The following SEMA3B variants were observed in gnomAD, a reference collection of about 807,000 sequenced individuals.
The protein encoded by SEMA3B is semaphorin-3B.
A neutral mutation model predicts 77.8 loss-of-function variants in SEMA3B; 71 were observed. That is an observed-to-expected ratio of 0.91 (90% CI 0.75 to 1.11). The LOEUF (loss-of-function observed/expected upper bound fraction) is 1.11. Ranked by LOEUF, SEMA3B falls within the 50% of genes most tolerant of loss-of-function variation. The pLI, the probability that SEMA3B is intolerant of heterozygous loss-of-function variation, is 0.00. For synonymous variants in SEMA3B, 470 were observed against 452.9 expected, an observed-to-expected ratio of 1.04 and a Z score of -0.48; for missense variants, 968 against 1,056.8, an observed-to-expected ratio of 0.92 and a Z score of 1.17.
At position 50,269,154 on chromosome 3, in the gene SEMA3B, C is replaced by T. The variant is rs1364338440; in HGVS notation, c.-87C>T. 2.0e-6 allele frequency: 2 copies of T among 1,019,636 alleles called. No homozygotes were observed. Among genetic ancestry groups the T allele is most frequent in the Non-Finnish European group, 2.9e-6 (2 of 679,234 alleles). 63.2% of individuals were successfully genotyped at this position (1,019,636 alleles called of 1,614,324 possible). The stretch of plus-strand genomic sequence containing the variant: ...GCCCTCGCCCTCACTGCTGACTCCT[C>T]TTCCAGATCCTGGGGCAGAGTCCAG... On this transcript the variant is annotated 5_prime_UTR_variant, in exon 1 of 17. Coordinates refer to ENST00000616701, the MANE Select transcript of SEMA3B (RefSeq NM_001290060.2). The surrounding 1 kb of genome is among the most constrained non-coding windows in gnomAD (Gnocchi z 4.0).
Position 50,273,277 on chromosome 3 carries a change from C to T in SEMA3B, c.665-21C>T. On this transcript the variant is annotated intron_variant, in intron 6 of 16. Transcript: ENST00000616701. The surrounding 1 kb of genome is among the most constrained non-coding windows in gnomAD (Gnocchi z 6.5). ...GAGGCAAGGCCAGGACCCGCTGACCCATGCCTCCTGCCGCGGTCAGAGCCC... is the reference window on the plus strand; with the variant it reads ...GAGGCAAGGCCAGGACCCGCTGACCTATGCCTCCTGCCGCGGTCAGAGCCC... The T allele has an allele frequency of 6.2e-7, 1 of 1,609,548 alleles. No individual in the cohort carries two copies. The highest frequency in any genetic ancestry group is 8.5e-7 in the Non-Finnish European group (1 of 1,177,782).
the SEMA3B span, chr3:50,261,080 C>G: frequency 6.6e-6 from 1 of 152,268 alleles, no homozygotes; most frequent in African/African-American, 2.4e-5. Context: ...CTGGGCATCC[C>G]CTGCTGCCTG....
upstream of SEMA3B, chr3:50,267,690 GC>G (rs1700937608): frequency 6.6e-6 from 1 of 152,470 alleles, no homozygotes; most frequent in African/African-American, 2.4e-5. The surrounding 1 kb of genome is among the most constrained non-coding windows in gnomAD (Gnocchi z 5.7). Flanking sequence ...GAGAGATGCT[GC>G]TGCGGAAGTC....
upstream of SEMA3B, among the ~76,000 whole-genome samples, chr3:50,266,047 T>G (rs983131256): frequency 3.3e-5 from 5 of 151,966 alleles, no homozygotes; most frequent in Admixed American, 3.3e-4. Flanking sequence ...CTGATACCGT[T>G]TCCCAGAGTG....
Position 50,276,263 on chromosome 3 carries a change from G to A in SEMA3B, c.1846-39G>A. The A allele has an allele frequency of 6.9e-7, 1 of 1,441,954 alleles. No homozygotes were observed. Among genetic ancestry groups the A allele is most frequent in the Non-Finnish European group, 9.1e-7 (1 of 1,102,136 alleles). 89.3% of individuals were successfully genotyped at this position (1,441,954 alleles called of 1,614,324 possible). A position where few individuals can be genotyped will look rare whatever the true frequency, so the allele number is the denominator to read the frequency against. On this transcript the variant is annotated intron_variant, in intron 16 of 16. Coordinates refer to ENST00000616701, the MANE Select transcript of SEMA3B (RefSeq NM_001290060.2). The surrounding 1 kb of genome is among the most constrained non-coding windows in gnomAD (Gnocchi z 5.8). The stretch of plus-strand genomic sequence containing the variant: ...GCTAGGGCCCGGAAGCCCTGTTCCC[G>A]GCCCGACACCCCCGCCTCACGCTGC...
chr3:50,264,495 GC>G (rs1336758168), upstream of SEMA3B, among the ~76,000 whole-genome samples: 3 of 152,296 alleles, frequency 2.0e-5, no homozygotes, highest in East Asian at 3.9e-4. Context: ...CACGGGGTCG[GC>G]TAAGCGGCAG....
rs1701120227 is a variant in SEMA3B at position 50,273,567 on chromosome 3, C to A, written c.843C>A (p.Asn281Lys). The A allele has an allele frequency of 6.2e-7, 1 of 1,613,336 alleles. No individual in the cohort carries two copies. Among genetic ancestry groups the A allele is most frequent in the Admixed American group, 1.7e-5 (1 of 60,024 alleles). The change falls in exon 8 of 17, where the codon AAC becomes AAA. Residue 281 changes from asparagine (N) to lysine (K), a missense_variant. By Grantham distance (94) the Asn-to-Lys change is moderately conservative. Transcript: ENST00000616701. This position sits in a 1 kb window ranked among gnomAD's most constrained non-coding sequence, Gnocchi z 6.5. ...TGGGCGGCCAGCGCAGCCTGGTCAA[C>A]AAGTGGACGACGTTCCTGAAGGCGC... is the stretch of plus-strand genomic sequence containing the variant. Reference protein sequence around the residue: ...NDVGGQRSLVNKWTTFLKARL... With the variant: ...NDVGGQRSLVKKWTTFLKARL...
chr3:50,276,036 G>A lies in SEMA3B; in HGVS notation c.1845+192G>A. On this transcript the variant is annotated intron_variant, in intron 16 of 16. Transcript: ENST00000616701. This position sits in a 1 kb window ranked among gnomAD's most constrained non-coding sequence, Gnocchi z 5.8. ...ACGGGGCTCCCGACCCGCCTCCCCT[G>A]AATCAAGGAGAAGACCCGCCCTCGA... The A allele has an allele frequency of 1.1e-6, 1 of 873,322 alleles. No individual in the cohort carries two copies. The highest frequency in any genetic ancestry group is 1.7e-6 in the Non-Finnish European group (1 of 591,684). The allele number at this position is 873,322 out of a possible 1,614,324, so 54.1% of individuals were successfully genotyped here. A position where few individuals can be genotyped will look rare whatever the true frequency, so the allele number is the denominator to read the frequency against.
At chr3:50,260,837 G>A in the SEMA3B span, 1 of 152,334 alleles carries the variant, frequency 6.6e-6, no homozygotes, top group South Asian at 2.1e-4. Context: ...TGGGATCCTG[G>A]GGGCAGGGCT....
Position 50,275,648 on chromosome 3 carries a change from C to T in SEMA3B, c.1705+33C>T, listed in dbSNP as rs1444753255. On this transcript the variant is annotated intron_variant, in intron 15 of 16. Transcript: ENST00000616701. The surrounding 1 kb of genome is among the most constrained non-coding windows in gnomAD (Gnocchi z 7.5). ...CCCCAGCTGCCCCTACCCTCAGCCC[C>T]AGAAGACGCCCCACCTGCCCTGCCT... 6.2e-7 allele frequency: 1 copy of T among 1,613,426 alleles called. No individual in the cohort carries two copies. The highest frequency in any genetic ancestry group is 8.5e-7 in the Non-Finnish European group (1 of 1,179,674).
upstream of SEMA3B, among the ~76,000 whole-genome samples, chr3:50,264,151 C>T (rs1055667412): frequency 9.2e-5 from 14 of 151,784 alleles, no homozygotes; most frequent in African/African-American, 3.1e-4. Context: ...TTGAGGCTGC[C>T]ATGAGCCATG....
chr3:50,269,129 G>A (rs782514925), upstream of SEMA3B: 77 of 757,254 alleles, frequency 1.0e-4, 1 homozygote, highest in Middle Eastern at 7.2e-4. The surrounding 1 kb of genome is among the most constrained non-coding windows in gnomAD (Gnocchi z 4.0). Flanking sequence ...CTAGCCTCCC[G>A]CCCTCGCCCT....
chr3:50,276,112 G>T lies in SEMA3B; in HGVS notation c.1846-190G>T. ...CCCCCACCAAGTTCATGTAAACCCC[G>T]CCTCTTTCGGATTCTCCCTTGAAGA... On this transcript the variant is annotated intron_variant, in intron 16 of 16. Coordinates refer to ENST00000616701, the MANE Select transcript of SEMA3B (RefSeq NM_001290060.2). This position sits in a 1 kb window ranked among gnomAD's most constrained non-coding sequence, Gnocchi z 5.8. 3 of 758,416 alleles carry T rather than the reference G, an allele frequency of 4.0e-6. No individual in the cohort carries two copies. Among genetic ancestry groups the T allele is most frequent in the Middle Eastern group, 4.0e-4 (1 of 2,474 alleles). The allele number at this position is 758,416 out of a possible 1,614,324, so 47.0% of individuals were successfully genotyped here.
chr3:50,272,692 T>C (rs1357855919), intron 6 of SEMA3B, among the ~76,000 whole-genome samples: 10 of 139,326 alleles, frequency 7.2e-5, no homozygotes, highest in Non-Finnish European at 3.0e-5. Flanking sequence ...GCCTGGGCAA[T>C]AGAGCGAGAC....
Position 50,274,606 on chromosome 3 carries a change from C to T in SEMA3B, c.1357+24C>T. On this transcript the variant is annotated intron_variant, in intron 11 of 16. Transcript: ENST00000616701. This position sits in a 1 kb window ranked among gnomAD's most constrained non-coding sequence, Gnocchi z 4.7. Reference sequence around the variant, plus strand: ...AGGTCAGGGTCCCTCCACAGCGACCCCCAGGCTCCCAGCCAGGCCCTGTGG... The same window carrying T: ...AGGTCAGGGTCCCTCCACAGCGACCTCCAGGCTCCCAGCCAGGCCCTGTGG... 1.3e-6 allele frequency: 2 copies of T among 1,514,878 alleles called. No homozygotes were observed. The highest frequency in any genetic ancestry group is 1.8e-6 in the Non-Finnish European group (2 of 1,130,250). The allele number at this position is 1,514,878 out of a possible 1,614,324, so 93.8% of individuals were successfully genotyped here. A position where few individuals can be genotyped will look rare whatever the true frequency, so the allele number is the denominator to read the frequency against.
In SEMA3B at chr3:50,273,442, G is replaced by A. The variant is rs1701115231; in HGVS notation, c.809G>A (p.Arg270Gln). The change falls in exon 7 of 17, where the codon CGG (arginine) becomes CAG (glutamine). Residue 270 changes from arginine (R) to glutamine (Q), a missense_variant and splice_region_variant. By Grantham distance (43) the Arg-to-Gln change is conservative (BLOSUM62 1). Transcript: ENST00000616701. The surrounding 1 kb of genome is among the most constrained non-coding windows in gnomAD (Gnocchi z 6.5). The stretch of plus-strand genomic sequence containing the variant: ...GTGTCCCGCGTTGGCCAGATCTGCC[G>A]GGTGAGGAGTCCCTGGGCCACACCC... Reference protein sequence around the residue: ...LSVSRVGQICRNDVGGQRSLV... With the variant: ...LSVSRVGQICQNDVGGQRSLV... The A allele has an allele frequency of 1.2e-6, 2 of 1,613,250 alleles. No homozygotes were observed. Among genetic ancestry groups the A allele is most frequent in the Non-Finnish European group, 1.7e-6 (2 of 1,179,550 alleles).
Position 50,270,524 on chromosome 3 carries a change from G to T in SEMA3B, c.330+29G>T. ...AGTGCCAGCTGCCCGGGCCGGGAGT[G>T]GGGAGGGTCAGCCCCTCACCCCAGA... is the stretch of plus-strand genomic sequence containing the variant. On this transcript the variant is annotated intron_variant, in intron 3 of 16. Coordinates refer to ENST00000616701, the MANE Select transcript of SEMA3B (RefSeq NM_001290060.2). The surrounding 1 kb of genome is among the most constrained non-coding windows in gnomAD (Gnocchi z 4.7). 6.2e-7 allele frequency: 1 copy of T among 1,613,080 alleles called. No individual in the cohort carries two copies. Among genetic ancestry groups the T allele is most frequent in the Non-Finnish European group, 8.5e-7 (1 of 1,179,798 alleles).
At position 50,276,289 on chromosome 3, in the gene SEMA3B, C is replaced by T. The variant is rs1313999049; in HGVS notation, c.1846-13C>T. ...GCCCGACACCCCCGCCTCACGCTGCCCTCTGCCCGCAGGTGCTGGCAGAGG... is the reference window on the plus strand; with the variant it reads ...GCCCGACACCCCCGCCTCACGCTGCTCTCTGCCCGCAGGTGCTGGCAGAGG... On this transcript the variant is annotated splice_polypyrimidine_tract_variant and intron_variant, in intron 16 of 16. Coordinates refer to ENST00000616701, the MANE Select transcript of SEMA3B (RefSeq NM_001290060.2). This position sits in a 1 kb window ranked among gnomAD's most constrained non-coding sequence, Gnocchi z 5.8. 1.3e-6 allele frequency: 2 copies of T among 1,484,740 alleles called. No homozygotes were observed. Among genetic ancestry groups the T allele is most frequent in the East Asian group, 2.6e-5 (1 of 38,826 alleles). 92.0% of individuals were successfully genotyped at this position (1,484,740 alleles called of 1,614,324 possible). A position where few individuals can be genotyped will look rare whatever the true frequency, so the allele number is the denominator to read the frequency against.
rs781898750 is a variant in SEMA3B at position 50,270,230 on chromosome 3, C to T, written c.213C>T (p.Ala71=). The T allele has an allele frequency of 6.8e-6, 11 of 1,612,100 alleles. No individual in the cohort carries two copies. The highest frequency in any genetic ancestry group is 2.7e-5 in the African/African-American group (2 of 74,850). ...AGCGTGGACGCCTGTTTGTGGGTGC[C>T]GAGAACCATGTGGCCTCCCTCAACC... ...DEERGRLFVG[A]ENHVASLNLD... The change falls in exon 2 of 17, where the codon GCC becomes GCT. Residue 71 remains alanine, a synonymous_variant. Transcript: ENST00000616701. This position sits in a 1 kb window ranked among gnomAD's most constrained non-coding sequence, Gnocchi z 4.7.
Sources: gnomAD v4.1 joint callset for allele counts (sites outside exome capture counted in the v4.1 genomes callset) on GRCh38, gnomAD v4.1.1 for gene constraint, Gnocchi (gnomAD v3.1) non-coding constraint, MANE v1.5 for transcripts, NCBI Gene and HGNC (gene_info 2026-07-23, HGNC 2026-07-21) for gene names.